The following GAS7 variants were observed in gnomAD, a reference collection of about 807,000 sequenced individuals.
The protein encoded by GAS7 is growth arrest-specific protein 7.
Under a neutral mutation model 71.1 loss-of-function variants are expected in GAS7, and 28 were observed. The observed-to-expected ratio is 0.39, with a 90% confidence interval of 0.29 to 0.54. The LOEUF (loss-of-function observed/expected upper bound fraction) is 0.54, where lower values mean the gene tolerates loss of function less well. GAS7 is among the 20% of genes least tolerant of loss of function. The pLI is 0.62. For synonymous variants in GAS7, 258 were observed against 245.8 expected, an observed-to-expected ratio of 1.05 and a Z score of -0.46; for missense variants, 436 against 627.8, an observed-to-expected ratio of 0.69 and a Z score of 3.27.
chr17:10,067,433 C>T (rs142062692), intron 1 of GAS7, among the ~76,000 whole-genome samples: 11 of 152,040 alleles, frequency 7.2e-5, no homozygotes, highest in South Asian at 4.2e-4. Context: ...TTAGTAGAGA[C>T]GGGGTTTCAC....
At chr17:10,010,251 G>A (rs1034357657) in intron 2 of GAS7, among the ~76,000 whole-genome samples, 18 of 151,870 alleles carry the variant, frequency 1.2e-4, no homozygotes, top group African/African-American at 3.6e-4. Context: ...CTGGGTTCAC[G>A]CCATTCTCCT....
At chr17:9,941,494 C>G (rs1401778060) in intron 7 of GAS7, among the ~76,000 whole-genome samples, 1 of 152,196 alleles carries the variant, frequency 6.6e-6, no homozygotes, top group Non-Finnish European at 1.5e-5. Context: ...CCAGCCAGCA[C>G]CTGTCCTCAA....
intron 2 of GAS7, among the ~76,000 whole-genome samples, chr17:10,012,378 C>T (rs1597684881): frequency 1.3e-5 from 2 of 152,148 alleles, no homozygotes; most frequent in East Asian, 3.9e-4. Flanking sequence ...ACCTCTGCCT[C>T]CTGGGCTCAA....
intron 2 of GAS7, among the ~76,000 whole-genome samples, chr17:9,982,824 G>GGAAAGAAA (rs56351503): frequency 0.02 from 2,314 of 116,148 alleles, 29 homozygotes; most frequent in Admixed American, 0.024. Flanking sequence ...AGGAAAGAAA[G>GGAAAGAAA]GAAAGAAAGA....
chr17:9,966,805 C>T (rs1156638052), intron 4 of GAS7, among the ~76,000 whole-genome samples: 1 of 152,170 alleles, frequency 6.6e-6, no homozygotes, highest in Non-Finnish European at 1.5e-5. Context: ...GCTGAGGTCA[C>T]AGTGATCTAC....
At chr17:10,090,464 T>A (rs917623437) in intron 1 of GAS7, among the ~76,000 whole-genome samples, 2 of 152,106 alleles carry the variant, frequency 1.3e-5, no homozygotes, top group African/African-American at 4.8e-5. Flanking sequence ...AGAACAGATC[T>A]CTGCAACACA....
At chr17:10,022,265 C>A (rs1156972990) in intron 1 of GAS7, among the ~76,000 whole-genome samples, 1 of 151,874 alleles carries the variant, frequency 6.6e-6, no homozygotes, top group Non-Finnish European at 1.5e-5. Context: ...AAACAAAGAA[C>A]AAAAAAATAC....
At chr17:10,174,084 C>T (rs908734154) in intron 1 of GAS7, among the ~76,000 whole-genome samples, 2 of 152,146 alleles carry the variant, frequency 1.3e-5, no homozygotes, top group Non-Finnish European at 2.9e-5. Flanking sequence ...CTGGGCCAGG[C>T]ACTGTCATAG....
intron 1 of GAS7, among the ~76,000 whole-genome samples, chr17:10,102,966 C>T (rs2073719469): frequency 6.6e-6 from 1 of 152,128 alleles, no homozygotes; most frequent in South Asian, 2.1e-4. Context: ...TGAGGAAGGG[C>T]TGTGGAATCT....
chr17:10,052,908 A>T (rs2073082104), intron 1 of GAS7, among the ~76,000 whole-genome samples: 1 of 152,152 alleles, frequency 6.6e-6, no homozygotes. Flanking sequence ...AGCGGCCTTC[A>T]TCCCTTACTC....
At chr17:10,020,348 T>C (rs975904155) in intron 1 of GAS7, among the ~76,000 whole-genome samples, 1 of 152,138 alleles carries the variant, frequency 6.6e-6, no homozygotes, top group African/African-American at 2.4e-5. Flanking sequence ...TTAATGCAAG[T>C]CATCCCACAG....
intron 4 of GAS7, among the ~76,000 whole-genome samples, chr17:9,963,659 G>T (rs1321366466): frequency 6.6e-6 from 1 of 152,052 alleles, no homozygotes; most frequent in Non-Finnish European, 1.5e-5. Context: ...CTTGAGCCCA[G>T]GAGTTCTAGA....
intron 1 of GAS7, among the ~76,000 whole-genome samples, chr17:10,105,225 C>T (rs1597794691): frequency 2.0e-5 from 3 of 152,270 alleles, no homozygotes; most frequent in Admixed American, 6.5e-5. Flanking sequence ...GCTTGGAGCA[C>T]CTGCCCTGCT....
At chr17:9,965,472 T>C (rs777596679) in intron 4 of GAS7, among the ~76,000 whole-genome samples, 1 of 152,016 alleles carries the variant, frequency 6.6e-6, no homozygotes, top group Non-Finnish European at 1.5e-5. Context: ...TGGGACCATA[T>C]GGACACCGGT....
At chr17:10,011,733 T>C (rs572596233) in intron 2 of GAS7, among the ~76,000 whole-genome samples, 1 of 152,166 alleles carries the variant, frequency 6.6e-6, no homozygotes, top group South Asian at 2.1e-4. Context: ...TCCCAGCACT[T>C]TGGGAGGCCG....
At chr17:10,003,046 A>T (rs757109147) in intron 2 of GAS7, among the ~76,000 whole-genome samples, 6 of 152,248 alleles carry the variant, frequency 3.9e-5, no homozygotes, top group Non-Finnish European at 5.9e-5. Flanking sequence ...ATAAGATCAC[A>T]TTCCCAGGCA....
At chr17:9,986,975 A>C (rs1189724721) in intron 2 of GAS7, among the ~76,000 whole-genome samples, 1 of 152,236 alleles carries the variant, frequency 6.6e-6, no homozygotes, top group Non-Finnish European at 1.5e-5. Flanking sequence ...GTCACCCCAG[A>C]GGACCATACT....
Position 9,915,265 on chromosome 17 carries a change from T to A in GAS7, c.*1963A>T, listed in dbSNP as rs763290708. ...AATGAGCCATATTGTACTCAAAATA[T>A]CTTGTTAATAACAAGGCTATTGGCT... On this transcript the variant is annotated 3_prime_UTR_variant, in exon 14 of 14. Transcript: ENST00000432992. 1.3e-5 allele frequency: 3 copies of A among 231,012 alleles called. No individual in the cohort carries two copies. The highest frequency in any genetic ancestry group is 2.6e-5 in the Non-Finnish European group (3 of 116,506). 14.3% of individuals were successfully genotyped at this position (231,012 alleles called of 1,614,324 possible).
intron 1 of GAS7, among the ~76,000 whole-genome samples, chr17:10,130,336 A>C (rs921337743): frequency 1.6e-4 from 25 of 151,916 alleles, no homozygotes; most frequent in Admixed American, 5.2e-4. Flanking sequence ...ATTTAAAAAA[A>C]AAAAAAAAAA....
Sources: gnomAD v4.1 joint callset for allele counts (sites outside exome capture counted in the v4.1 genomes callset) on GRCh38, gnomAD v4.1.1 for gene constraint, MANE v1.5 for transcripts, NCBI Gene and HGNC (gene_info 2026-07-23, HGNC 2026-07-21) for gene names.